The following IPMK variants were observed in gnomAD, a reference collection of about 807,000 sequenced individuals.
IPMK encodes inositol 1,3,4,6-tetrakisphosphate 5-kinase.
A neutral mutation model predicts 45.8 loss-of-function variants in IPMK; 17 were observed. That is an observed-to-expected ratio of 0.37 (90% CI 0.25 to 0.56). The LOEUF (loss-of-function observed/expected upper bound fraction) is 0.56. Ranked by LOEUF, IPMK falls within the 20% of genes least tolerant of loss-of-function variation. IPMK has a pLI of 0.79. For missense variants in IPMK, 399 were observed against 498.0 expected (o/e 0.80, Z 1.89); for synonymous variants, 180 against 184.3 (o/e 0.98, Z 0.19).
At chr10:58,233,180 T>C (rs1326336229) in intron 2 of IPMK, among the ~76,000 whole-genome samples, 1 of 152,152 alleles carries the variant, frequency 6.6e-6, no homozygotes, top group East Asian at 1.9e-4. Context: ...CAATAATTAA[T>C]AGCCTACCAA....
In IPMK at chr10:58,192,207, T is replaced by G. The variant is rs781259399; in HGVS notation, c.*3869A>C. 6.6e-6 allele frequency: 1 copy of G among 151,996 alleles called. No individual in the cohort carries two copies. The highest frequency in any genetic ancestry group is 1.5e-5 in the Non-Finnish European group (1 of 67,896). 9.4% of individuals were successfully genotyped at this position (151,996 alleles called of 1,614,324 possible). On this transcript the variant is annotated 3_prime_UTR_variant, in exon 6 of 6. Coordinates refer to ENST00000373935, the MANE Select transcript of IPMK (RefSeq NM_152230.5). Reference sequence around the variant, plus strand: ...ATCAATCTGTAAGTCAAAAGTAATTTCATATTCATTGCCAAATTTAAAATA... The same window carrying G: ...ATCAATCTGTAAGTCAAAAGTAATTGCATATTCATTGCCAAATTTAAAATA...
In IPMK at chr10:58,225,969, G is replaced by A. The variant is rs567102514; in HGVS notation, c.373+1074C>T. Among the ~76,000 whole-genome samples, 9 of 152,184 alleles carry A rather than the reference G, an allele frequency of 5.9e-5. No individual in the cohort carries two copies. The East Asian group carries it at 1.5e-3, about 26-fold the overall frequency. ...ATCATAGACAAATAGATATAGTTAG[G>A]ACTAAAAAGACCTGTAAGCCCACAA... is the stretch of plus-strand genomic sequence containing the variant. On this transcript the variant is annotated intron_variant, in intron 3 of 5. Coordinates refer to ENST00000373935, the MANE Select transcript of IPMK (RefSeq NM_152230.5).
intron 1 of IPMK, among the ~76,000 whole-genome samples, chr10:58,261,379 T>C (rs764651072): frequency 2.0e-5 from 3 of 151,958 alleles, no homozygotes; most frequent in Non-Finnish European, 4.4e-5. Context: ...TTTTTTATTA[T>C]ACTTTTCTGT....
At chr10:58,197,168 C>T (rs537622808) in intron 5 of IPMK, among the ~76,000 whole-genome samples, 2 of 151,348 alleles carry the variant, frequency 1.3e-5, no homozygotes, top group Non-Finnish European at 2.9e-5. Context: ...GGGATGGTGG[C>T]GGGCACCTGT....
At chr10:58,238,428 G>A (rs1838646760) in intron 1 of IPMK, among the ~76,000 whole-genome samples, 1 of 152,148 alleles carries the variant, frequency 6.6e-6, no homozygotes, top group African/African-American at 2.4e-5. Flanking sequence ...CATTCAAAGA[G>A]GGAGACTTTT....
At chr10:58,217,993 T>C (rs1038183452) in intron 3 of IPMK, among the ~76,000 whole-genome samples, 1 of 152,098 alleles carries the variant, frequency 6.6e-6, no homozygotes, top group Non-Finnish European at 1.5e-5. Flanking sequence ...CAGTTAGGGC[T>C]TGAAAAATTT....
chr10:58,226,603 T>C (rs915350524), intron 3 of IPMK, among the ~76,000 whole-genome samples: 2 of 152,176 alleles, frequency 1.3e-5, no homozygotes, highest in African/African-American at 4.8e-5. Flanking sequence ...CATTTTATTC[T>C]CTATGAAACT....
chr10:58,259,287 T>C (rs1839020845), intron 1 of IPMK, among the ~76,000 whole-genome samples: 1 of 152,034 alleles, frequency 6.6e-6, no homozygotes, highest in Non-Finnish European at 1.5e-5. Flanking sequence ...GAATGTGGAA[T>C]ATCTTTTTAT....
chr10:58,214,247 C>T (rs1018037078), intron 4 of IPMK, among the ~76,000 whole-genome samples: 8 of 151,998 alleles, frequency 5.3e-5, no homozygotes, highest in East Asian at 1.9e-4. Flanking sequence ...GATAGGAGGA[C>T]GGAAAATTCT....
At chr10:58,226,408 A>T (rs956970148) in intron 3 of IPMK, among the ~76,000 whole-genome samples, 2 of 152,236 alleles carry the variant, frequency 1.3e-5, no homozygotes, top group East Asian at 3.8e-4. Flanking sequence ...ACAAGACCAT[A>T]GGTTATTTTT....
rs1837976922 is a variant in IPMK, at chr10:58,200,185, C to T, written c.547-864G>A. Among the ~76,000 whole-genome samples the T allele has an allele frequency of 2.0e-5, 3 of 152,224 alleles. No individual in the cohort carries two copies. The South Asian group carries it at 6.2e-4, about 32-fold the overall frequency. Reference sequence around the variant, plus strand: ...CCAGGCTGGAGTGCAGTGGCGTGATCTCAGCTCACTGCAACCCCTGCCTCC... The same window carrying T: ...CCAGGCTGGAGTGCAGTGGCGTGATTTCAGCTCACTGCAACCCCTGCCTCC... On this transcript the variant is annotated intron_variant, in intron 4 of 5. Coordinates refer to ENST00000373935, the MANE Select transcript of IPMK (RefSeq NM_152230.5).
At position 58,196,616 on chromosome 10, in the gene IPMK, C is replaced by A; in HGVS notation, c.711G>T (p.Leu237=). 6.2e-7 allele frequency: 1 copy of A among 1,613,940 alleles called. No individual in the cohort carries two copies. The highest frequency in any genetic ancestry group is 1.7e-4 in the Middle Eastern group (1 of 6,060). Residue 237 remains leucine (L), a synonymous_variant, in exon 6 of 6, where the codon CTG becomes CTT. Transcript: ENST00000373935. ...GCTGCTTCTGGTTTTCAAACCACTG[C>A]AGAATTTTCTCAATCTTCTGAATAC... ...AASIQKIEKI[L]QWFENQKQLN... is the part of the protein sequence containing the mutation.
At chr10:58,241,227 C>T (rs954685543) in intron 1 of IPMK, among the ~76,000 whole-genome samples, 6 of 152,162 alleles carry the variant, frequency 3.9e-5, no homozygotes, top group African/African-American at 1.4e-4. Context: ...CTGAACAAGT[C>T]CCATTCCCCA....
At chr10:58,256,731 C>A (rs770270230) in intron 1 of IPMK, among the ~76,000 whole-genome samples, 6 of 152,160 alleles carry the variant, frequency 3.9e-5, no homozygotes, top group Non-Finnish European at 5.9e-5. Flanking sequence ...TGTAAAATTT[C>A]TCTCTTTGTA....
At chr10:58,228,692 C>A (rs533154245) in intron 2 of IPMK, among the ~76,000 whole-genome samples, 1 of 152,284 alleles carries the variant, frequency 6.6e-6, no homozygotes, top group African/African-American at 2.4e-5. Flanking sequence ...CGCCACCACA[C>A]CCAGCTAATT....
At chr10:58,227,462 G>A (rs1158825174) in intron 2 of IPMK, among the ~76,000 whole-genome samples, 1 of 152,132 alleles carries the variant, frequency 6.6e-6, no homozygotes, top group Non-Finnish European at 1.5e-5. Context: ...ACATTCTTCT[G>A]ACTTTCCTCC....
chr10:58,248,450 G>A (rs1838834914), intron 1 of IPMK, among the ~76,000 whole-genome samples: 1 of 152,118 alleles, frequency 6.6e-6, no homozygotes, highest in Non-Finnish European at 1.5e-5. Context: ...ATATTTATGT[G>A]TGTGCACATA....
At chr10:58,220,577 A>C (rs1838317243) in intron 3 of IPMK, among the ~76,000 whole-genome samples, 1 of 152,196 alleles carries the variant, frequency 6.6e-6, no homozygotes, top group African/African-American at 2.4e-5. Context: ...ACTCTACCAC[A>C]GGGATATTAA....
intron 2 of IPMK, among the ~76,000 whole-genome samples, chr10:58,231,686 A>G (rs541847681): frequency 6.6e-6 from 1 of 152,322 alleles, no homozygotes; most frequent in South Asian, 2.1e-4. Flanking sequence ...AGCACTAAAC[A>G]TGGAAAGAAA....
Sources: gnomAD v4.1 joint callset for allele counts (sites outside exome capture counted in the v4.1 genomes callset) on GRCh38, gnomAD v4.1.1 for gene constraint, MANE v1.5 for transcripts, NCBI Gene and HGNC (gene_info 2026-07-23, HGNC 2026-07-21) for gene names.